Variants in GCKR observed in about 807,000 individuals in gnomAD.
GCKR encodes the protein glucokinase regulatory protein.
Under a neutral mutation model 82.9 loss-of-function variants are expected in GCKR, and 73 were observed. The ratio of observed to expected loss-of-function variants is 0.88; its 90% CI spans 0.73 to 1.07. The LOEUF (loss-of-function observed/expected upper bound fraction) is 1.07, where lower values mean the gene tolerates loss of function less well. Among genes scored for constraint, GCKR ranks in the 50% least tolerant of loss-of-function variants. The pLI is 0.00. For synonymous variants in GCKR, 294 were observed against 291.8 expected (o/e 1.01, Z -0.08); for missense variants, 784 against 782.1 (o/e 1.00, Z -0.03).
intron 16 of GCKR, among the ~76,000 whole-genome samples, chr2:27,512,381 A>G (rs915060389): frequency 4.0e-5 from 6 of 151,796 alleles, no homozygotes; most frequent in African/African-American, 1.5e-4. Flanking sequence ...CTAAAAATAC[A>G]AAAATTAGCC....
rs138210330 is a variant in GCKR, at chr2:27,522,458, A to G, written c.1573-2A>G. ...ACACTGATCTTACCACTTCTTCCTT[A>G]GCGGTTCTCTGGACAGTCCAAGGCT... On this transcript the variant is annotated splice_acceptor_variant, in intron 17 of 18. Coordinates refer to ENST00000264717, the MANE Select transcript of GCKR (RefSeq NM_001486.4). LOFTEE classifies it high-confidence loss of function. The G allele has an allele frequency of 1.2e-6, 2 of 1,613,704 alleles. No individual in the cohort carries two copies. The highest frequency in any genetic ancestry group is 1.3e-5 in the African/African-American group (1 of 74,912).
At chr2:27,507,926 G>A (rs1419488148) in intron 14 of GCKR, 51 bp from the exon 15 acceptor site, 6 of 1,346,948 alleles carry the variant, frequency 4.5e-6, no homozygotes, top group East Asian at 4.6e-5. Context: ...GGAGCAGGAG[G>A]AACAGCTGCA....
chr2:27,503,445 TC>T (rs1418691820), intron 8 of GCKR, 68 bp from the exon 9 acceptor site: 1 of 835,108 alleles, frequency 1.2e-6, no homozygotes, highest in Non-Finnish European at 2.1e-6. Flanking sequence ...TGATCATGAC[TC>T]CCAGCTGAGG....
intron 3 of GCKR, 110 bp from the exon 4 acceptor site, chr2:27,498,145 G>A (rs1669463009): frequency 2.4e-6 from 2 of 829,150 alleles, no homozygotes; most frequent in African/African-American, 3.3e-5. Context: ...TGTGATGAGA[G>A]GAGGGATAAG....
rs771795298 is a variant in GCKR, at chr2:27,497,574, G to A, written c.229G>A (p.Glu77Lys). 65 of 1,612,298 alleles carry A rather than the reference G, an allele frequency of 4.0e-5. No individual in the cohort carries two copies. The highest frequency in any genetic ancestry group is 6.7e-5 in the East Asian group (3 of 44,892). Residue 77 changes from glutamate to lysine, a missense_variant, in exon 3 of 19, where the codon GAA becomes AAA. By Grantham distance (56) the Glu-to-Lys change is moderately conservative (BLOSUM62 1). Coordinates refer to ENST00000264717, the MANE Select transcript of GCKR (RefSeq NM_001486.4). ...ALSTYQRLYSESILTTMVQVA... is the reference protein window; with the variant it reads ...ALSTYQRLYSKSILTTMVQVA... ...ATATTCCCTACAGAGACTCTACAGCGAATCCATTCTGACCACCATGGTACA... is the reference window on the plus strand; with the variant it reads ...ATATTCCCTACAGAGACTCTACAGCAAATCCATTCTGACCACCATGGTACA...
In GCKR at chr2:27,498,343, G is replaced by C; in HGVS notation, c.354+20G>C. The C allele has an allele frequency of 6.3e-7, 1 of 1,588,858 alleles. No individual in the cohort carries two copies. Among genetic ancestry groups the C allele is most frequent in the Non-Finnish European group, 8.6e-7 (1 of 1,156,996 alleles). On this transcript the variant is annotated intron_variant, in intron 4 of 18. Coordinates refer to ENST00000264717, the MANE Select transcript of GCKR (RefSeq NM_001486.4). Reference sequence around the variant, plus strand: ...ATGTCGGTGAGCACCCTGGTCTCCAGTTTTCTTCCCCCTCCACTTCTGGAG... The same window carrying C: ...ATGTCGGTGAGCACCCTGGTCTCCACTTTTCTTCCCCCTCCACTTCTGGAG...
rs757722520 is a variant in GCKR at position 27,505,760 on chromosome 2, G to C, written c.793G>C (p.Ala265Pro). The C allele has an allele frequency of 6.2e-7, 1 of 1,612,340 alleles. No homozygotes were observed. The highest frequency in any genetic ancestry group is 8.5e-7 in the Non-Finnish European group (1 of 1,178,522). The change falls in exon 10 of 19, where the codon GCC becomes CCC. Residue 265 changes from alanine to proline, a missense_variant. Physicochemically the swap from Ala to Pro is conservative, Grantham distance 27 (BLOSUM62 -1). Transcript: ENST00000264717. ...SGSSRMKGGS[A>P]TKILLETLLL... Reference sequence around the variant, plus strand: ...CTCCTCCCGGATGAAAGGTGGAAGTGCCACCAAGATTCTGCTGGAAACCCT... The same window carrying C: ...CTCCTCCCGGATGAAAGGTGGAAGTCCCACCAAGATTCTGCTGGAAACCCT...
intron 16 of GCKR, among the ~76,000 whole-genome samples, chr2:27,516,828 GTTTCATGCTGAAA>G (rs1670023020): frequency 6.6e-6 from 1 of 152,116 alleles, no homozygotes; most frequent in African/African-American, 2.4e-5. Context: ...TTACTGGCCA[GTTTCATGCTGAAA>G]TTTCATGCTG....
intron 16 of GCKR, among the ~76,000 whole-genome samples, chr2:27,515,118 C>T (rs564885132): frequency 2.6e-5 from 4 of 152,094 alleles, no homozygotes; most frequent in Non-Finnish European, 5.9e-5. Flanking sequence ...GCTGGGATTA[C>T]AGGTGCCCAG....
At chr2:27,518,341 C>T (rs544936192) in intron 16 of GCKR, among the ~76,000 whole-genome samples, 17 of 152,316 alleles carry the variant, frequency 1.1e-4, no homozygotes, top group Non-Finnish European at 2.9e-5. Context: ...CCACTGTGCC[C>T]GGCCTCAACA....
intron 16 of GCKR, among the ~76,000 whole-genome samples, chr2:27,515,556 G>A (rs569452903): frequency 2.0e-5 from 3 of 152,202 alleles, no homozygotes; most frequent in South Asian, 2.1e-4. Flanking sequence ...GATTATAGGC[G>A]TGGTCCAGAA....
chr2:27,523,269 G>A lies in GCKR; in HGVS notation c.1708G>A (p.Val570Met), dbSNP rs964655402. 1.2e-6 allele frequency: 2 copies of A among 1,612,098 alleles called. No individual in the cohort carries two copies. The highest frequency in any genetic ancestry group is 2.7e-5 in the African/African-American group (2 of 74,910). ...AGTGCCCACTGCCTCTTCCCCACAG[G>A]TGATACCCATCGCCTTGCTGAGCCT... ...HVQVAHEKEQ[V>M]IPIALLSLLF... Residue 570 changes from valine to methionine, a missense_variant and splice_region_variant, in exon 19 of 19, where the codon GTG becomes ATG. Transcript: ENST00000264717.
chr2:27,513,801 C>T (rs553242073), intron 16 of GCKR, among the ~76,000 whole-genome samples: 98 of 152,184 alleles, frequency 6.4e-4, no homozygotes, highest in Non-Finnish European at 1.2e-3. Context: ...CCTTCTTATG[C>T]AAAAGGTAGC....
At position 27,506,556 on chromosome 2, in the gene GCKR, C is replaced by T. The variant is rs1572865360; in HGVS notation, c.945C>T (p.Thr315=). Residue 315 remains threonine, a synonymous_variant, in exon 11 of 19, where the codon ACC becomes ACT. Transcript: ENST00000264717. Reference sequence around the variant, plus strand: ...ACAGCCAAAGCCCCAAGATTGCCACCCTGATGAAGAGTGTCAGCACCAGGT... The same window carrying T: ...ACAGCCAAAGCCCCAAGATTGCCACTCTGATGAAGAGTGTCAGCACCAGGT... ...VTYSQSPKIA[T]LMKSVSTSLE... 5 of 1,611,412 alleles carry T rather than the reference C, an allele frequency of 3.1e-6. No individual in the cohort carries two copies. Among genetic ancestry groups the T allele is most frequent in the Non-Finnish European group, 3.4e-6 (4 of 1,177,604 alleles).
chr2:27,499,086 C>A (rs547476053), intron 5 of GCKR, 56 bp from the exon 6 acceptor site: 2 of 1,019,286 alleles, frequency 2.0e-6, no homozygotes, highest in Admixed American at 1.7e-5. Flanking sequence ...TGCCCTAATA[C>A]GCCATAGGCT....
intron 17 of GCKR, among the ~76,000 whole-genome samples, chr2:27,521,673 C>T (rs1417200847): frequency 6.6e-6 from 1 of 151,332 alleles, no homozygotes; most frequent in Non-Finnish European, 1.5e-5. Flanking sequence ...AATGCAGCTA[C>T]TGAAAACTTA....
intron 16 of GCKR, among the ~76,000 whole-genome samples, chr2:27,510,460 C>T (rs554946969): frequency 8.5e-5 from 13 of 152,104 alleles, no homozygotes; most frequent in Non-Finnish European, 1.8e-4. Context: ...ATCTTTTAGG[C>T]ATTTGACTTG....
chr2:27,499,349 C>T lies in GCKR; in HGVS notation c.496-48C>T, dbSNP rs777863397. The T allele has an allele frequency of 6.8e-6, 10 of 1,479,066 alleles. No homozygotes were observed. The East Asian group carries it at 2.0e-4, about 30-fold the overall frequency. 91.6% of individuals were successfully genotyped at this position (1,479,066 alleles called of 1,614,324 possible). On this transcript the variant is annotated intron_variant, in intron 6 of 18. Coordinates refer to ENST00000264717, the MANE Select transcript of GCKR (RefSeq NM_001486.4). ...GATATCCTCACACAGTAGATTTGTG[C>T]CCTGGAATCCTCCCAGTTACACTAC...
rs983469310 is a variant in GCKR, at chr2:27,508,020, G to A, written c.1284G>A (p.Glu428=). ...AGACTATAGTGGAGCAGGTGAAAGAGAAGACCAACCACATCCAGGCCCTGG... is the reference window on the plus strand; with the variant it reads ...AGACTATAGTGGAGCAGGTGAAAGAAAAGACCAACCACATCCAGGCCCTGG... ...EVQTIVEQVK[E]KTNHIQALAH... is the part of the protein sequence containing the mutation. The change falls in exon 15 of 19, where the codon GAG becomes GAA. Residue 428 remains glutamate, a synonymous_variant. Coordinates refer to ENST00000264717, the MANE Select transcript of GCKR (RefSeq NM_001486.4). 1 of 1,613,922 alleles carries A rather than the reference G, an allele frequency of 6.2e-7. No individual in the cohort carries two copies. Among genetic ancestry groups the A allele is most frequent in the Non-Finnish European group, 8.5e-7 (1 of 1,179,924 alleles).
Sources: gnomAD v4.1 joint callset for allele counts (sites outside exome capture counted in the v4.1 genomes callset) on GRCh38, gnomAD v4.1.1 for gene constraint, MANE v1.5 for transcripts, NCBI Gene and HGNC (gene_info 2026-07-23, HGNC 2026-07-21) for gene names.